Variants in CSMD3 observed in about 807,000 individuals in gnomAD.
The protein encoded by CSMD3 is CUB and Sushi multiple domains 3, also known as CUB and sushi domain-containing protein 3.
Under a neutral mutation model 435.2 loss-of-function variants are expected in CSMD3, and 177 were observed. The ratio of observed to expected loss-of-function variants is 0.41; its 90% CI spans 0.36 to 0.46. The LOEUF (loss-of-function observed/expected upper bound fraction) is 0.46. Ranked by LOEUF, CSMD3 falls within the 20% of genes least tolerant of loss-of-function variation. The pLI, the probability that CSMD3 is intolerant of heterozygous loss-of-function variation, is 0.34. For missense variants in CSMD3, 4,265 were observed against 4,504.6 expected, an observed-to-expected ratio of 0.95 and a Z score of 1.52; for synonymous variants, 1,656 against 1,520.5, an observed-to-expected ratio of 1.09 and a Z score of -2.07.
intron 10 of CSMD3, among the ~76,000 whole-genome samples, chr8:112,911,225 T>C (rs756839345): frequency 4.0e-5 from 6 of 151,296 alleles, no homozygotes; most frequent in Non-Finnish European, 8.8e-5. Flanking sequence ...ATATGACATC[T>C]TCCTTCTTTT....
intron 1 of CSMD3, among the ~76,000 whole-genome samples, chr8:113,413,379 A>T (rs2094567986): frequency 6.6e-6 from 1 of 152,134 alleles, no homozygotes; most frequent in Admixed American, 6.6e-5. Context: ...CTATGATGGA[A>T]AATCTTTTAT....
rs192140231 is a variant in CSMD3, at chr8:113,235,269, T to G, written c.514+43323A>C. Among the ~76,000 whole-genome samples, 80 of 152,216 alleles carry G rather than the reference T, an allele frequency of 5.3e-4. No homozygotes were observed. In the East Asian group the frequency reaches 0.013, roughly 24 times the overall value. On this transcript the variant is annotated intron_variant, in intron 3 of 70. Coordinates refer to ENST00000297405, the MANE Select transcript of CSMD3 (RefSeq NM_198123.2). ...GAAAGAGAAAGACCACTAATGTCCC[T>G]CCCTACCTTCCTGTACCTGGTGGAA... is the stretch of plus-strand genomic sequence containing the variant.
intron 32 of CSMD3, among the ~76,000 whole-genome samples, chr8:112,455,029 T>TAAA (rs540422362): frequency 6.9e-6 from 1 of 145,250 alleles, no homozygotes; most frequent in African/African-American, 2.6e-5. Flanking sequence ...GACCCTATAT[T>TAAA]AAAAAAAAAA....
In CSMD3 at chr8:113,158,781, G is replaced by T. The variant is rs543737986; in HGVS notation, c.709+14941C>A. On this transcript the variant is annotated intron_variant, in intron 4 of 70. Coordinates refer to ENST00000297405, the MANE Select transcript of CSMD3 (RefSeq NM_198123.2). ...ATATATACAGATATAGATATAGATA[G>T]ATGTACATGTATTTATAAATATAAA... Among the ~76,000 whole-genome samples the T allele has an allele frequency of 1.4e-4, 21 of 151,830 alleles. No homozygotes were observed. The East Asian group carries it at 4.1e-3, about 29-fold the overall frequency.
intron 23 of CSMD3, among the ~76,000 whole-genome samples, chr8:112,577,688 C>T (rs1431858634): frequency 2.0e-5 from 3 of 151,970 alleles, no homozygotes; most frequent in Non-Finnish European, 2.9e-5. Context: ...CTTAACATTG[C>T]CATGTTTTAA....
In CSMD3 at chr8:112,660,280, A is replaced by G. The variant is rs115922883; in HGVS notation, c.2817-3939T>C. On this transcript the variant is annotated intron_variant, in intron 17 of 70. Transcript: ENST00000297405. Reference sequence around the variant, plus strand: ...AAAAATAAAGCACCAAGACATTATAAGGCCACTGATCAAGGAAGTGATAGG... The same window carrying G: ...AAAAATAAAGCACCAAGACATTATAGGGCCACTGATCAAGGAAGTGATAGG... Among the ~76,000 whole-genome samples, 1,210 of 152,292 alleles carry G rather than the reference A, an allele frequency of 7.9e-3. 16 individuals are homozygous for G. Among genetic ancestry groups the G allele is most frequent in the African/African-American group, 0.028 (1,153 of 41,582 alleles).
At chr8:113,126,612 G>T (rs2091139155) in intron 4 of CSMD3, among the ~76,000 whole-genome samples, 1 of 151,872 alleles carries the variant, frequency 6.6e-6, no homozygotes, top group East Asian at 1.9e-4. Flanking sequence ...GAGACAGATT[G>T]TCCAGGAAAT....
At chr8:113,175,121 T>A (rs550196528) in intron 3 of CSMD3, among the ~76,000 whole-genome samples, 56 of 151,996 alleles carry the variant, frequency 3.7e-4, no homozygotes, top group African/African-American at 1.1e-3. Flanking sequence ...AATTAAAATA[T>A]CGATGTCAAT....
intron 30 of CSMD3, among the ~76,000 whole-genome samples, chr8:112,499,149 G>A (rs1347069980): frequency 6.6e-6 from 1 of 151,974 alleles, no homozygotes; most frequent in African/African-American, 2.4e-5. Flanking sequence ...TTATTAGGTA[G>A]CAAGTGGAAG....
At chr8:112,779,621 A>G (rs766852633) in intron 13 of CSMD3, among the ~76,000 whole-genome samples, 21 of 152,076 alleles carry the variant, frequency 1.4e-4, no homozygotes, top group Non-Finnish European at 2.6e-4. Context: ...GATGGTCAGC[A>G]CCATCAAAGT....
At chr8:112,992,737 G>A (rs1329608980) in intron 6 of CSMD3, among the ~76,000 whole-genome samples, 1 of 151,766 alleles carries the variant, frequency 6.6e-6, no homozygotes, top group Non-Finnish European at 1.5e-5. Context: ...GGGAAGATCT[G>A]ATTTAAATTT....
chr8:112,767,435 A>G (rs1324026456), intron 13 of CSMD3, among the ~76,000 whole-genome samples: 1 of 151,796 alleles, frequency 6.6e-6, no homozygotes, highest in Non-Finnish European at 1.5e-5. Context: ...AGTTTTGAAC[A>G]TGGACACTGA....
intron 31 of CSMD3, among the ~76,000 whole-genome samples, chr8:112,481,376 T>A (rs950153053): frequency 6.6e-6 from 1 of 152,230 alleles, no homozygotes; most frequent in Admixed American, 6.5e-5. Flanking sequence ...CAATTTCACA[T>A]CTGTCTCTTC....
At chr8:112,298,352 A>G (rs1322222673) in intron 53 of CSMD3, among the ~76,000 whole-genome samples, 1 of 152,168 alleles carries the variant, frequency 6.6e-6, no homozygotes, top group African/African-American at 2.4e-5. Context: ...ATAGTGCAAG[A>G]TACAAAGTGC....
chr8:113,184,146 C>T (rs1007922935), intron 3 of CSMD3, among the ~76,000 whole-genome samples: 1 of 151,926 alleles, frequency 6.6e-6, no homozygotes, highest in Non-Finnish European at 1.5e-5. Context: ...GAAGATATTA[C>T]ACAGGATACA....
intron 1 of CSMD3, among the ~76,000 whole-genome samples, chr8:113,386,035 A>T (rs1202116528): frequency 6.6e-6 from 1 of 152,052 alleles, no homozygotes; most frequent in African/African-American, 2.4e-5. Context: ...AATAGTAGAA[A>T]ATCTTTAGTG....
intron 13 of CSMD3, among the ~76,000 whole-genome samples, chr8:112,723,747 G>A (rs1355337626): frequency 3.3e-5 from 5 of 151,976 alleles, no homozygotes; most frequent in Non-Finnish European, 5.9e-5. Flanking sequence ...TAGAAATCAC[G>A]GAGACCTAGT....
At chr8:112,540,607 A>G (rs1388434064) in intron 27 of CSMD3, among the ~76,000 whole-genome samples, 2 of 152,094 alleles carry the variant, frequency 1.3e-5, no homozygotes, top group Non-Finnish European at 2.9e-5. Context: ...GAGGAAAAAC[A>G]TAAAATCATG....
intron 32 of CSMD3, among the ~76,000 whole-genome samples, chr8:112,469,310 A>G (rs764198037): frequency 6.6e-6 from 1 of 152,200 alleles, no homozygotes; most frequent in Non-Finnish European, 1.5e-5. Flanking sequence ...ACAATATGGC[A>G]TATGTAAAAT....
Sources: gnomAD v4.1 joint callset for allele counts (sites outside exome capture counted in the v4.1 genomes callset) on GRCh38, gnomAD v4.1.1 for gene constraint, MANE v1.5 for transcripts, NCBI Gene and HGNC (gene_info 2026-07-23, HGNC 2026-07-21) for gene names.